The following PKHD1 variants were observed in gnomAD, a reference collection of about 807,000 sequenced individuals.
PKHD1 encodes the protein fibrocystin.
A neutral mutation model predicts 412.0 loss-of-function variants in PKHD1; 291 were observed. That is an observed-to-expected ratio of 0.71 (90% CI 0.64 to 0.78). PKHD1 has a LOEUF of 0.78. Ranked by LOEUF, PKHD1 falls within the 30% of genes least tolerant of loss-of-function variation. The pLI is 0.00. For missense variants in PKHD1, 4,825 were observed against 4,950.7 expected (o/e 0.97, Z 0.76); for synonymous variants, 1,777 against 1,821.5 (o/e 0.98, Z 0.62).
rs186816779 is a variant in PKHD1 at position 51,724,603 on chromosome 6, A to G, written c.10156+19782T>C. Among the ~76,000 whole-genome samples, 52 of 152,264 alleles carry G rather than the reference A, an allele frequency of 3.4e-4. No individual in the cohort carries two copies. The East Asian group carries it at 5.6e-3, about 16-fold the overall frequency. ...ATCTATCCATCTATCTAATCTATCT[A>G]TATCTTGAAATCTTGGAATCACTGT... On this transcript the variant is annotated intron_variant, in intron 60 of 66. Coordinates refer to ENST00000371117, the MANE Select transcript of PKHD1 (RefSeq NM_138694.4).
At chr6:51,820,318 C>T (rs936530526) in intron 52 of PKHD1, among the ~76,000 whole-genome samples, 2 of 152,202 alleles carry the variant, frequency 1.3e-5, no homozygotes, top group African/African-American at 4.8e-5. Context: ...GTCAGTCCAT[C>T]TAGTCACAAA....
intron 33 of PKHD1, among the ~76,000 whole-genome samples, chr6:52,021,843 A>G (rs916505939): frequency 1.3e-5 from 2 of 152,142 alleles, no homozygotes; most frequent in African/African-American, 4.8e-5. Context: ...ATCCATCATT[A>G]AATTCTCATC....
At chr6:51,953,488 T>A (rs1375391445) in intron 36 of PKHD1, among the ~76,000 whole-genome samples, 4 of 151,974 alleles carry the variant, frequency 2.6e-5, no homozygotes, top group African/African-American at 4.8e-5. Flanking sequence ...TGTTGTAACA[T>A]TTCTAGATAA....
chr6:51,825,615 G>C (rs1279818659), intron 52 of PKHD1, among the ~76,000 whole-genome samples: 1 of 152,098 alleles, frequency 6.6e-6, no homozygotes, highest in African/African-American at 2.4e-5. Context: ...CCACAGTCCA[G>C]CCACTATCTA....
chr6:51,722,581 T>C (rs1159283502), intron 60 of PKHD1, among the ~76,000 whole-genome samples: 1 of 152,194 alleles, frequency 6.6e-6, no homozygotes, highest in Non-Finnish European at 1.5e-5. Flanking sequence ...TATAACACAA[T>C]GCAGGCATGC....
rs1041335451 is a variant in PKHD1, at chr6:51,632,732, G to A, written c.11507-9C>T. ...AGCTGTAAAATTGACTCCTGTGGCG[G>A]GGAAAAGAAGATGTTTCAATGATAT... is the stretch of plus-strand genomic sequence containing the variant. On this transcript the variant is annotated splice_polypyrimidine_tract_variant and intron_variant, in intron 64 of 66. Transcript: ENST00000371117. The A allele has an allele frequency of 1.9e-6, 3 of 1,610,042 alleles. No individual in the cohort carries two copies. The highest frequency in any genetic ancestry group is 2.5e-6 in the Non-Finnish European group (3 of 1,176,852).
chr6:51,967,599 C>A (rs1445131331), intron 35 of PKHD1, among the ~76,000 whole-genome samples: 1 of 152,068 alleles, frequency 6.6e-6, no homozygotes, highest in Admixed American at 6.6e-5. Context: ...TAAGCCAGAT[C>A]TCAGAAAGCC....
intron 36 of PKHD1, among the ~76,000 whole-genome samples, chr6:51,941,056 C>A (rs933715580): frequency 6.1e-5 from 9 of 147,386 alleles, no homozygotes; most frequent in Admixed American, 6.7e-5. Context: ...CTCTTGTATC[C>A]CCCCCCACCT....
At chr6:51,713,980 A>G (rs1780946925) in intron 60 of PKHD1, among the ~76,000 whole-genome samples, 1 of 152,096 alleles carries the variant, frequency 6.6e-6, no homozygotes, top group Non-Finnish European at 1.5e-5. Context: ...TAAACTCCTT[A>G]GTGGTGCTTT....
intron 37 of PKHD1, among the ~76,000 whole-genome samples, chr6:51,921,982 G>T (rs1278614351): frequency 6.6e-6 from 1 of 152,154 alleles, no homozygotes; most frequent in Non-Finnish European, 1.5e-5. Context: ...CTGGCAAGGA[G>T]CTGCGATCTT....
At chr6:51,951,721 C>T (rs1790396686) in intron 36 of PKHD1, among the ~76,000 whole-genome samples, 4 of 152,106 alleles carry the variant, frequency 2.6e-5, no homozygotes, top group Non-Finnish European at 1.5e-5. Flanking sequence ...ATATTTTTAT[C>T]TACACAAGAA....
intron 23 of PKHD1, 66 bp downstream of exon 23, chr6:52,048,426 G>T (rs1199798042): frequency 2.0e-6 from 3 of 1,482,790 alleles, no homozygotes; most frequent in East Asian, 2.3e-5. Flanking sequence ...CCAGGATGTT[G>T]TTCCCTTGGG....
At chr6:52,032,050 G>A (rs775306693) in intron 29 of PKHD1, among the ~76,000 whole-genome samples, 1 of 152,148 alleles carries the variant, frequency 6.6e-6, no homozygotes, top group African/African-American at 2.4e-5. Flanking sequence ...TCATCAGGAA[G>A]AATCTGTACC....
chr6:51,724,176 A>G (rs922674404), intron 60 of PKHD1, among the ~76,000 whole-genome samples: 1 of 152,186 alleles, frequency 6.6e-6, no homozygotes, highest in Non-Finnish European at 1.5e-5. Flanking sequence ...TATCTGCATA[A>G]TAAGACAACC....
Position 51,908,790 on chromosome 6 carries a change from C to T in PKHD1, c.6682+493G>A, listed in dbSNP as rs527741558. On this transcript the variant is annotated intron_variant, in intron 40 of 66. Coordinates refer to ENST00000371117, the MANE Select transcript of PKHD1 (RefSeq NM_138694.4). ...AAAGCACCTGGGTTTCAGCCCATTCCCCCTCATTTCCCCAGGCAAAAGATT... is the reference window on the plus strand; with the variant it reads ...AAAGCACCTGGGTTTCAGCCCATTCTCCCTCATTTCCCCAGGCAAAAGATT... 2.2e-3 allele frequency among the ~76,000 whole-genome samples: 330 copies of T among 152,150 alleles called. 1 individual carries two copies. The highest frequency in any genetic ancestry group is 7.5e-3 in the African/African-American group (313 of 41,516).
intron 60 of PKHD1, among the ~76,000 whole-genome samples, chr6:51,702,989 C>T (rs1014380575): frequency 2.0e-5 from 3 of 150,870 alleles, no homozygotes; most frequent in Non-Finnish European, 4.4e-5. Context: ...GATAAATGGC[C>T]CCCTGCCCTC....
At chr6:51,912,227 AT>A in intron 38 of PKHD1, 138 bp downstream of exon 38, 1 of 737,062 alleles carries the variant, frequency 1.4e-6, no homozygotes, top group Non-Finnish European at 2.4e-6. Flanking sequence ...ATGCTTTTTA[AT>A]TTTCTTGTCA....
rs887797797 is a variant in PKHD1, at chr6:52,042,931, T to C, written c.3025A>G (p.Thr1009Ala). 6.2e-7 allele frequency: 1 copy of C among 1,613,790 alleles called. No individual in the cohort carries two copies. The highest frequency in any genetic ancestry group is 8.5e-7 in the Non-Finnish European group (1 of 1,179,798). ...VRPSGLAISA[T>A]GEDLFLNVKP... ...ACATTTAGGAAGAGGTCTTCTCCAGTGGCACTGATGGCAAGACCAGAGGGT... is the reference window on the plus strand; with the variant it reads ...ACATTTAGGAAGAGGTCTTCTCCAGCGGCACTGATGGCAAGACCAGAGGGT... The change falls in exon 27 of 67, where the codon ACT (threonine) becomes GCT (alanine). Residue 1009 changes from threonine to alanine, a missense_variant. Thr to Ala is a moderately conservative substitution (Grantham distance 58). Coordinates refer to ENST00000371117, the MANE Select transcript of PKHD1 (RefSeq NM_138694.4).
At chr6:51,960,709 A>G (rs910337587) in intron 35 of PKHD1, among the ~76,000 whole-genome samples, 2 of 152,134 alleles carry the variant, frequency 1.3e-5, no homozygotes, top group Non-Finnish European at 1.5e-5. Context: ...ACTTCAGATG[A>G]CAAGTAAATA....
Sources: allele counts gnomAD v4.1 joint callset (sites outside exome capture counted in the v4.1 genomes callset), GRCh38; gene constraint gnomAD v4.1.1; transcripts MANE v1.5; gene names NCBI Gene and HGNC (gene_info 2026-07-23, HGNC 2026-07-21).